CCDC122: variants seen among roughly 807,000 people sequenced by gnomAD.
CCDC122 encodes the protein coiled-coil domain-containing protein 122.
CCDC122 carries 38 observed loss-of-function variants against 37.0 expected under a neutral mutation model. The observed-to-expected ratio is 1.03, with a 90% confidence interval of 0.79 to 1.35. The LOEUF is 1.35. Ranked by LOEUF, CCDC122 falls within the 40% of genes most tolerant of loss-of-function variation. The probability of loss-of-function intolerance (pLI) is 0.00; values close to 1 mark genes in which losing one functional copy is unlikely to be tolerated. For synonymous variants in CCDC122, 83 were observed against 95.6 expected, an observed-to-expected ratio of 0.87 and a Z score of 0.77; for missense variants, 305 against 310.0, an observed-to-expected ratio of 0.98 and a Z score of 0.12.
rs188609843 is a variant in CCDC122 at position 43,839,119 on chromosome 13, T to C, written c.673-1690A>G. ...AATGGGCGGGTATGGAAAAAATGTA[T>C]TAGTAGGGGTGGAGGCCAAATCATG... is the stretch of plus-strand genomic sequence containing the variant. On this transcript the variant is annotated intron_variant, in intron 6 of 6. Transcript: ENST00000444614. Among the ~76,000 whole-genome samples, 65 of 152,248 alleles carry C rather than the reference T, an allele frequency of 4.3e-4. 1 individual carries two copies. The highest frequency in any genetic ancestry group is 3.6e-3 in the Admixed American group (55 of 15,284).
intron 3 of CCDC122, among the ~76,000 whole-genome samples, chr13:43,829,443 C>T (rs1247710326): frequency 3.9e-5 from 6 of 151,946 alleles, no homozygotes; most frequent in Non-Finnish European, 8.8e-5. Flanking sequence ...GTAGCTGAGA[C>T]TACAGGCGTG....
At chr13:43,853,507 T>A (rs1953812855) in intron 6 of CCDC122, among the ~76,000 whole-genome samples, 1 of 152,162 alleles carries the variant, frequency 6.6e-6, no homozygotes, top group African/African-American at 2.4e-5. Flanking sequence ...CTTAGAGACC[T>A]TCAAACAGAC....
intron 6 of CCDC122, among the ~76,000 whole-genome samples, chr13:43,851,262 A>G (rs1328572840): frequency 6.6e-6 from 1 of 152,240 alleles, no homozygotes; most frequent in Non-Finnish European, 1.5e-5. Context: ...GAAAGAACAT[A>G]ATAAAGCAAA....
At chr13:43,821,427 T>C (rs1952991731), downstream of CCDC122, among the ~76,000 whole-genome samples, 1 of 152,192 alleles carries the variant, frequency 6.6e-6, no homozygotes, top group Non-Finnish European at 1.5e-5. Flanking sequence ...TTTCAACATG[T>C]TGGCCAGGCT....
At chr13:43,830,784 A>G (rs1953082237) in intron 3 of CCDC122, among the ~76,000 whole-genome samples, 1 of 152,346 alleles carries the variant, frequency 6.6e-6, no homozygotes, top group South Asian at 2.1e-4. Flanking sequence ...AGTTGAGGCC[A>G]CTGGACTAAG....
intron 6 of CCDC122, among the ~76,000 whole-genome samples, chr13:43,849,547 G>T (rs1215826408): frequency 6.6e-6 from 1 of 152,156 alleles, no homozygotes; most frequent in Non-Finnish European, 1.5e-5. Flanking sequence ...ATATATCCCA[G>T]AGAGGATTCT....
chr13:43,852,323 G>T (rs753401859), intron 6 of CCDC122, among the ~76,000 whole-genome samples: 4 of 151,970 alleles, frequency 2.6e-5, no homozygotes, highest in Non-Finnish European at 5.9e-5. Context: ...CACACTACAA[G>T]AATTTCATAA....
intron 1 of CCDC122, among the ~76,000 whole-genome samples, chr13:43,878,646 T>TC (rs1414989505): frequency 6.6e-6 from 1 of 152,242 alleles, no homozygotes; most frequent in Admixed American, 6.5e-5. Context: ...GGATATTTTT[T>TC]CCCTTTACCA....
Position 43,836,983 on chromosome 13 carries a change from A to G in CCDC122, c.*297T>C, listed in dbSNP as rs928364497. ...TACTTCATAGGGTAGTGAATGCAACATAAACAGGTATTCATGAGTATAATA... is the reference window on the plus strand; with the variant it reads ...TACTTCATAGGGTAGTGAATGCAACGTAAACAGGTATTCATGAGTATAATA... On this transcript the variant is annotated 3_prime_UTR_variant, in exon 7 of 7. Transcript: ENST00000444614. 4.2e-6 allele frequency: 1 copy of G among 237,234 alleles called. No homozygotes were observed. Among genetic ancestry groups the G allele is most frequent in the African/African-American group, 2.2e-5 (1 of 44,714 alleles). 14.7% of individuals were successfully genotyped at this position (237,234 alleles called of 1,614,324 possible).
rs553604253 is a variant in CCDC122 at position 43,827,975 on chromosome 13, G to C, written n.602-3964C>G. The stretch of plus-strand genomic sequence containing the variant: ...ATGCTTAGAGAAGAGTTAGAATTTT[G>C]TTTTAGCTGAATTGCAGATTTTATC... On this transcript the variant is annotated intron_variant and non_coding_transcript_variant, in intron 3 of 3. Coordinates refer to the CCDC122 transcript ENST00000470137. Among the ~76,000 whole-genome samples, 3 of 152,322 alleles carry C rather than the reference G, an allele frequency of 2.0e-5. No individual in the cohort carries two copies. The East Asian group carries it at 5.8e-4, about 29-fold the overall frequency.
At chr13:43,846,218 G>A (rs1006164936) in intron 6 of CCDC122, among the ~76,000 whole-genome samples, 3 of 152,056 alleles carry the variant, frequency 2.0e-5, no homozygotes, top group Non-Finnish European at 4.4e-5. Flanking sequence ...GGGATTACAG[G>A]TGCCCGCCAC....
intron 1 of CCDC122, among the ~76,000 whole-genome samples, chr13:43,876,086 G>C (rs2325089): frequency 0.38 from 57,414 of 152,066 alleles, 11,117 homozygotes; most frequent in East Asian, 0.52. Context: ...CCAGACAACA[G>C]AAGAGGTAAG....
At chr13:43,833,066 G>T (rs1953105193), downstream of CCDC122, among the ~76,000 whole-genome samples, 1 of 152,282 alleles carries the variant, frequency 6.6e-6, no homozygotes, top group South Asian at 2.1e-4. Context: ...GGCCATGAAA[G>T]TGTCCATAAT....
At position 43,837,401 on chromosome 13, in the gene CCDC122, A is replaced by C. The variant is rs762267542; in HGVS notation, c.701T>G (p.Leu234Arg). Residue 234 changes from leucine (L) to arginine (R), a missense_variant, in exon 7 of 7, where the codon CTT (leucine) becomes CGT (arginine). Coordinates refer to ENST00000444614, the MANE Select transcript of CCDC122 (RefSeq NM_144974.5). ...GTTCACCTGACAATGCAAACGCTTA[A>C]GAATTGCATCATACCTCTTATGTTG... is the stretch of plus-strand genomic sequence containing the variant. ...EVQHKRYDAI[L>R]KRLHCQVNKL... is the part of the protein sequence containing the mutation. 2 of 1,614,090 alleles carry C rather than the reference A, an allele frequency of 1.2e-6. No individual in the cohort carries two copies. The highest frequency in any genetic ancestry group is 1.7e-6 in the Non-Finnish European group (2 of 1,179,994).
At chr13:43,838,421 T>C (rs950466742) in intron 6 of CCDC122, among the ~76,000 whole-genome samples, 5 of 152,164 alleles carry the variant, frequency 3.3e-5, no homozygotes, top group African/African-American at 1.2e-4. Flanking sequence ...TGGAAGGCAA[T>C]GAAGCATAGT....
downstream of CCDC122, among the ~76,000 whole-genome samples, chr13:43,822,110 G>A (rs1952997906): frequency 6.6e-6 from 1 of 152,134 alleles, no homozygotes; most frequent in Non-Finnish European, 1.5e-5. Flanking sequence ...TTGCAGTCTG[G>A]GCTGGTTTGT....
intron 4 of CCDC122, among the ~76,000 whole-genome samples, chr13:43,865,559 A>G (rs1660559734): frequency 6.6e-6 from 1 of 152,158 alleles, no homozygotes; most frequent in Non-Finnish European, 1.5e-5. Flanking sequence ...TTATAACGAT[A>G]TACTATAATA....
downstream of CCDC122, among the ~76,000 whole-genome samples, chr13:43,819,232 G>A (rs1351511507): frequency 6.6e-6 from 1 of 152,126 alleles, no homozygotes; most frequent in Non-Finnish European, 1.5e-5. Flanking sequence ...TACATTGTTG[G>A]TGTGATTATA....
At chr13:43,857,449 A>AGTGTGTGTGT (rs60383575) in intron 6 of CCDC122, among the ~76,000 whole-genome samples, 2 of 149,602 alleles carry the variant, frequency 1.3e-5, no homozygotes, top group African/African-American at 4.9e-5. Flanking sequence ...AATACTTAGA[A>AGTGTGTGTGT]GTGTGTGTGT....
Sources: allele counts gnomAD v4.1 joint callset (sites outside exome capture counted in the v4.1 genomes callset), GRCh38; gene constraint gnomAD v4.1.1; transcripts MANE v1.5; gene names NCBI Gene and HGNC (gene_info 2026-07-23, HGNC 2026-07-21).